Variants in GEMIN5 observed in about 807,000 individuals in gnomAD.
The protein encoded by GEMIN5 is gem-associated protein 5.
In GEMIN5, 124 loss-of-function variants were observed where a neutral mutation model predicts 176.9. The observed-to-expected ratio is 0.70, with a 90% CI of 0.61 to 0.81. The LOEUF (loss-of-function observed/expected upper bound fraction) is 0.81, where lower values mean the gene tolerates loss of function less well. Ranked by LOEUF, GEMIN5 falls within the 40% of genes least tolerant of loss-of-function variation. GEMIN5 has a pLI of 0.00. For missense variants in GEMIN5, 1,843 were observed against 1,814.6 expected, an observed-to-expected ratio of 1.02 and a Z score of -0.28; for synonymous variants, 673 against 665.2, an observed-to-expected ratio of 1.01 and a Z score of -0.18.
rs371268174 is a variant in GEMIN5 at position 154,896,189 on chromosome 5, A to G, written c.3500T>C (p.Ile1167Thr). 36 of 1,614,014 alleles carry G rather than the reference A, an allele frequency of 2.2e-5. No homozygotes were observed. In the African/African-American group the frequency reaches 3.3e-4, roughly 15 times the overall value. Reference protein sequence around the residue: ...VERVTAVWKSIFSLDTPEQYQ... With the variant: ...VERVTAVWKSTFSLDTPEQYQ... ...CTGCTCAGGGGTGTCAAGGCTGAAG[A>G]TGCTCTTCCACACTGCAGTCACCCT... Residue 1167 changes from isoleucine (I) to threonine (T), a missense_variant, in exon 24 of 28, where the codon ATC becomes ACC. Physicochemically the swap from Ile to Thr is moderately conservative, Grantham distance 89. Coordinates refer to ENST00000285873, the MANE Select transcript of GEMIN5 (RefSeq NM_015465.5).
In GEMIN5 at chr5:154,922,895, A is replaced by G. The variant is rs554349665; in HGVS notation, c.1380-1470T>C. ...GTATTTTTAGTAGAGACGGGCTTTCACCGTGTTAGCCAGGATGGTCTCAAT... is the reference window on the plus strand; with the variant it reads ...GTATTTTTAGTAGAGACGGGCTTTCGCCGTGTTAGCCAGGATGGTCTCAAT... On this transcript the variant is annotated intron_variant, in intron 9 of 27. Transcript: ENST00000285873. 3.4e-4 allele frequency among the ~76,000 whole-genome samples: 52 copies of G among 151,858 alleles called. 1 individual carries two copies. In the South Asian group the frequency reaches 0.01, roughly 30 times the overall value.
intron 3 of GEMIN5, among the ~76,000 whole-genome samples, chr5:154,935,170 TCTATCCCCTC>T (rs1764242073): frequency 6.6e-6 from 1 of 152,222 alleles, no homozygotes; most frequent in East Asian, 1.9e-4. Context: ...CTTGACCCCA[TCTATCCCCTC>T]TGGCTTCATG....
rs1202907779 is a variant in GEMIN5 at position 154,902,583 on chromosome 5, T to C, written c.2822A>G (p.Glu941Gly). 1.2e-6 allele frequency: 2 copies of C among 1,614,014 alleles called. No homozygotes were observed. Among genetic ancestry groups the C allele is most frequent in the South Asian group, 1.1e-5 (1 of 91,090 alleles). ...DLKGVLQTAA[E>G]RGELTDNLVA... ...AAGGTTGTCTGTCAGCTCCCCTCTTTCTGCTGCAGTCTGGAGAACACCTTT... is the reference window on the plus strand; with the variant it reads ...AAGGTTGTCTGTCAGCTCCCCTCTTCCTGCTGCAGTCTGGAGAACACCTTT... The change falls in exon 20 of 28, where the codon GAA (glutamate) becomes GGA (glycine). Residue 941 changes from glutamate (E) to glycine (G), a missense_variant. Transcript: ENST00000285873.
rs2113520828 is a variant in GEMIN5 at position 154,937,070 on chromosome 5, C to T, written c.282G>A (p.Trp94Ter). Residue 94 changes from tryptophan (W) to a stop codon, truncating the protein, a stop_gained, in exon 2 of 28, where the codon TGG becomes TGA. Coordinates refer to ENST00000285873, the MANE Select transcript of GEMIN5 (RefSeq NM_015465.5). LOFTEE classifies it high-confidence loss of function. ...TCACAACTGTTTTTGTCTCTACATC[C>T]CATATTTTCACAGTCCCATCGTCGG... is the stretch of plus-strand genomic sequence containing the variant. ...TSSDDGTVKI[W>*]DVETKTVVTE... 2 of 1,613,896 alleles carry T rather than the reference C, an allele frequency of 1.2e-6. No individual in the cohort carries two copies. The highest frequency in any genetic ancestry group is 1.7e-6 in the Non-Finnish European group (2 of 1,179,858).
chr5:154,899,112 T>G, intron 22 of GEMIN5, 79 bp downstream of exon 22: 1 of 1,396,046 alleles, frequency 7.2e-7, no homozygotes, highest in Admixed American at 2.3e-5. Context: ...CCTCTAAACT[T>G]ATTACTTGTA....
rs535567224 is a variant in GEMIN5 at position 154,938,122 on chromosome 5, C to T, written c.12G>A (p.Glu4=). MGQ[E]PRTLPPSPNW... ...TGGGGGAGGGCGGCAGCGTCCGCGGCTCCTGCCCCATAACTACAAGCCGTC... is the reference window on the plus strand; with the variant it reads ...TGGGGGAGGGCGGCAGCGTCCGCGGTTCCTGCCCCATAACTACAAGCCGTC... The change falls in exon 1 of 28, where the codon GAG becomes GAA. Residue 4 remains glutamate (E), a synonymous_variant. Transcript: ENST00000285873. 5.7e-6 allele frequency: 8 copies of T among 1,393,904 alleles called. No individual in the cohort carries two copies. Among genetic ancestry groups the T allele is most frequent in the East Asian group, 5.6e-5 (2 of 35,624 alleles). 86.3% of individuals were successfully genotyped at this position (1,393,904 alleles called of 1,614,324 possible). A position where few individuals can be genotyped will look rare whatever the true frequency, so the allele number is the denominator to read the frequency against.
chr5:154,897,145 A>G (rs548526013), intron 23 of GEMIN5, among the ~76,000 whole-genome samples: 4 of 152,354 alleles, frequency 2.6e-5, no homozygotes, highest in African/African-American at 9.6e-5. Flanking sequence ...AATAATGCCC[A>G]GTGGCATTAT....
Position 154,937,958 on chromosome 5 carries a change from G to GTCCCT in GEMIN5, c.166+9_166+10insAGGGA. 6.4e-7 allele frequency: 1 copy of GTCCCT among 1,567,962 alleles called. No individual in the cohort carries two copies. Among genetic ancestry groups the GTCCCT allele is most frequent in the East Asian group, 2.6e-5 (1 of 39,160 alleles). ...GGCAGTAAGTCTCGGGCCCAAGGGT[G>GTCCCT]GTGAGTTACCTCGAAACGGGGGTGT... is the stretch of plus-strand genomic sequence containing the variant. On this transcript the variant is annotated intron_variant, in intron 1 of 27. Transcript: ENST00000285873.
At chr5:154,926,214 G>A (rs1764032161) in intron 7 of GEMIN5, 140 bp from the exon 8 acceptor site, 1 of 585,022 alleles carries the variant, frequency 1.7e-6, no homozygotes, top group Non-Finnish European at 3.1e-6. Flanking sequence ...AGAAAGCACT[G>A]CTAAGAAAAA....
In GEMIN5 at chr5:154,937,148, A is replaced by T; in HGVS notation, c.204T>A (p.Ser68=). Residue 68 remains serine, a synonymous_variant, in exon 2 of 28, where the codon TCT becomes TCA. Transcript: ENST00000285873. The part of the protein sequence containing the change: ...GELVGHTERV[S]GFTFSHHPGQ... ...CAGGGTGATGAGAAAATGTGAAGCC[A>T]GAGACCCTTTCGGTGTGTCCCACCA... 2 of 1,613,712 alleles carry T rather than the reference A, an allele frequency of 1.2e-6. No individual in the cohort carries two copies. The highest frequency in any genetic ancestry group is 1.7e-6 in the Non-Finnish European group (2 of 1,179,680).
chr5:154,917,156 G>T lies in GEMIN5; in HGVS notation c.1697C>A (p.Pro566His). Residue 566 changes from proline to histidine, a missense_variant, in exon 13 of 28, where the codon CCC becomes CAC. Physicochemically the swap from Pro to His is moderately conservative, Grantham distance 77. Transcript: ENST00000285873. ...EDGSIEIFQI[P>H]NLKLICTIQQ... ...GATAGTACAGATCAGTTTCAGGTTG[G>T]GAATCTGAAATATTTCTATTGATCT... 6.7e-7 allele frequency: 1 copy of T among 1,496,810 alleles called. No homozygotes were observed. Among genetic ancestry groups the T allele is most frequent in the South Asian group, 1.3e-5 (1 of 75,368 alleles). 92.7% of individuals were successfully genotyped at this position (1,496,810 alleles called of 1,614,324 possible).
In GEMIN5 at chr5:154,896,237, C is replaced by G; in HGVS notation, c.3452G>C (p.Gly1151Ala). ...SSSSYHTWNT[G>A]TEGPFVERVT... ...CCTCTCCACGAAAGGCCCTTCGGTG[C>G]CCGTGTTCCAAGTGTGGTAAGAGGA... is the stretch of plus-strand genomic sequence containing the variant. Residue 1151 changes from glycine to alanine, a missense_variant, in exon 24 of 28, where the codon GGC (glycine) becomes GCC (alanine). Physicochemically the swap from Gly to Ala is moderately conservative, Grantham distance 60. Transcript: ENST00000285873. The G allele has an allele frequency of 6.2e-7, 1 of 1,613,768 alleles. No individual in the cohort carries two copies. The highest frequency in any genetic ancestry group is 8.5e-7 in the Non-Finnish European group (1 of 1,179,876).
intron 24 of GEMIN5, among the ~76,000 whole-genome samples, chr5:154,894,758 T>C (rs1763312824): frequency 6.6e-6 from 1 of 151,974 alleles, no homozygotes; most frequent in African/African-American, 2.4e-5. Flanking sequence ...ATACAAAAAA[T>C]TAGCCGGGCA....
At chr5:154,908,172 CTTTTTT>C (rs386405383) in intron 15 of GEMIN5, among the ~76,000 whole-genome samples, 1 of 73,064 alleles carries the variant, frequency 1.4e-5, no homozygotes, top group Non-Finnish European at 2.6e-5. Flanking sequence ...CCCAGATGTC[CTTTTTT>C]TTTTTTTTTT....
chr5:154,921,304 A>G, intron 10 of GEMIN5, 39 bp downstream of exon 10: 1 of 881,534 alleles, frequency 1.1e-6, no homozygotes, highest in Non-Finnish European at 1.9e-6. Flanking sequence ...TGAAGGAAGA[A>G]TACTCTCATA....
intron 26 of GEMIN5, among the ~76,000 whole-genome samples, chr5:154,889,764 T>A (rs1763186783): frequency 6.6e-6 from 1 of 152,236 alleles, no homozygotes; most frequent in South Asian, 2.1e-4. Flanking sequence ...ATAGTATATG[T>A]CTTTTTGTGA....
chr5:154,900,662 A>C lies in GEMIN5; in HGVS notation c.3014+677T>G, dbSNP rs1208835097. On this transcript the variant is annotated intron_variant, in intron 21 of 27. Coordinates refer to ENST00000285873, the MANE Select transcript of GEMIN5 (RefSeq NM_015465.5). ...AGGGGCAGGATACTAGGAAGGAGGAAGCTGTCCAGAGAAAGACATCCACAA... is the reference window on the plus strand; with the variant it reads ...AGGGGCAGGATACTAGGAAGGAGGACGCTGTCCAGAGAAAGACATCCACAA... Among the ~76,000 whole-genome samples the C allele has an allele frequency of 2.6e-5, 4 of 152,202 alleles. No homozygotes were observed. In the East Asian group the frequency reaches 7.7e-4, roughly 29 times the overall value.
At chr5:154,899,088 C>G in intron 22 of GEMIN5, 103 bp downstream of exon 22, 1 of 1,121,954 alleles carries the variant, frequency 8.9e-7, no homozygotes. Context: ...TAATTCCTTG[C>G]TGCTTTACCT....
chr5:154,896,067 T>A lies in GEMIN5; in HGVS notation c.3597+25A>T. The A allele has an allele frequency of 1.2e-6, 2 of 1,609,506 alleles. 1 individual carries two copies. Among genetic ancestry groups the A allele is most frequent in the South Asian group, 2.2e-5 (2 of 90,214 alleles). Reference sequence around the variant, plus strand: ...AAGTCTTACCACTGAGTGATTAATGTCAAATGCTGGTACAGATGGCTTACC... The same window carrying A: ...AAGTCTTACCACTGAGTGATTAATGACAAATGCTGGTACAGATGGCTTACC... On this transcript the variant is annotated intron_variant, in intron 24 of 27. Transcript: ENST00000285873.
Sources: allele counts gnomAD v4.1 joint callset (sites outside exome capture counted in the v4.1 genomes callset), GRCh38; gene constraint gnomAD v4.1.1; transcripts MANE v1.5; gene names NCBI Gene and HGNC (gene_info 2026-07-23, HGNC 2026-07-21).